Variants in FRMPD1 observed in about 807,000 individuals in gnomAD.
FRMPD1 encodes the protein FERM and PDZ domain containing 1, also known as FERM and PDZ domain-containing protein 1.
A neutral mutation model predicts 117.8 loss-of-function variants in FRMPD1; 76 were observed. The ratio of observed to expected loss-of-function variants is 0.65; its 90% CI spans 0.54 to 0.78. The LOEUF (loss-of-function observed/expected upper bound fraction) is 0.78, where lower values mean the gene tolerates loss of function less well. FRMPD1 is among the 30% of genes least tolerant of loss of function. The probability of loss-of-function intolerance (pLI) is 0.00; values close to 1 mark genes in which losing one functional copy is unlikely to be tolerated. For synonymous variants in FRMPD1, 783 were observed against 770.4 expected (o/e 1.02, Z -0.27); for missense variants, 1,786 against 1,964.5 (o/e 0.91, Z 1.72).
rs146595026 is a variant in FRMPD1, at chr9:37,672,106, A to T, written c.-4-20532A>T. 9.8e-3 allele frequency among the ~76,000 whole-genome samples: 1,487 copies of T among 152,282 alleles called. 24 individuals carry two copies. Among genetic ancestry groups the T allele is most frequent in the African/African-American group, 0.034 (1,405 of 41,548 alleles). ...TTTCTTTCTTTTTGGAGTGATGAAA[A>T]TGCTTCAAAATGGATTGTGGTGATG... On this transcript the variant is annotated intron_variant, in intron 1 of 15. Transcript: ENST00000377765.
At chr9:37,687,110 G>GCTC (rs1821975607) in intron 1 of FRMPD1, among the ~76,000 whole-genome samples, 1 of 152,104 alleles carries the variant, frequency 6.6e-6, no homozygotes, top group Non-Finnish European at 1.5e-5. Flanking sequence ...GTTTATGCAG[G>GCTC]CTCCCCTGGA....
chr9:37,687,351 AT>A (rs1443033241), intron 1 of FRMPD1, among the ~76,000 whole-genome samples: 2 of 152,138 alleles, frequency 1.3e-5, no homozygotes, highest in Non-Finnish European at 2.9e-5. Context: ...CCAAGTTTTT[AT>A]TTAATAAACA....
chr9:37,686,052 C>T (rs1013866487), intron 1 of FRMPD1, among the ~76,000 whole-genome samples: 5 of 152,178 alleles, frequency 3.3e-5, no homozygotes, highest in African/African-American at 1.2e-4. Context: ...TTTTTATATT[C>T]ACATTGTTCC....
chr9:37,690,622 C>T (rs533900706), intron 1 of FRMPD1, among the ~76,000 whole-genome samples: 4 of 152,250 alleles, frequency 2.6e-5, no homozygotes, highest in South Asian at 2.1e-4. Flanking sequence ...GCAGGGATCC[C>T]GAAAATGTCA....
the FRMPD1 span, among the ~76,000 whole-genome samples, chr9:37,621,371 TCTTG>T: frequency 6.6e-6 from 1 of 152,132 alleles, no homozygotes; most frequent in Non-Finnish European, 1.5e-5. Flanking sequence ...GTTACGTGAC[TCTTG>T]CACCGTCATC....
At chr9:37,632,306 T>G in the FRMPD1 span, among the ~76,000 whole-genome samples, 1 of 152,218 alleles carries the variant, frequency 6.6e-6, no homozygotes, top group African/African-American at 2.4e-5. Flanking sequence ...TGTTAACAAA[T>G]CACTGGGCCT....
chr9:37,742,848 G>A (rs1172067559), intron 15 of FRMPD1, among the ~76,000 whole-genome samples: 2 of 152,026 alleles, frequency 1.3e-5, no homozygotes, highest in East Asian at 1.9e-4. Context: ...GCAGTGAGCC[G>A]AGATTGCACC....
At chr9:37,654,391 T>C (rs950652359) in intron 1 of FRMPD1, among the ~76,000 whole-genome samples, 3 of 152,174 alleles carry the variant, frequency 2.0e-5, no homozygotes, top group Admixed American at 2.0e-4. Flanking sequence ...CAGCTCTGTA[T>C]CTGTAAGAGG....
In FRMPD1 at chr9:37,744,504, G is replaced by A. The variant is rs1375453436; in HGVS notation, c.2472G>A (p.Arg824=). ...GGCCAGATGGAAGACAGCCAAGCAG[G>A]AGGGGAGGGGTGAAGAAATATGCCA... ...PCGPDGRQPS[R]RGGVKKYAKT... Residue 824 remains arginine (R), a synonymous_variant, in exon 16 of 16, where the codon AGG becomes AGA. Transcript: ENST00000377765. 8 of 1,614,154 alleles carry A rather than the reference G, an allele frequency of 5.0e-6. No homozygotes were observed. The South Asian group carries it at 8.8e-5, about 18-fold the overall frequency.
intron 6 of FRMPD1, 102 bp from the exon 7 acceptor site, chr9:37,724,123 G>A (rs1457559140): frequency 1.1e-5 from 6 of 564,034 alleles, no homozygotes; most frequent in African/African-American, 5.6e-5. Flanking sequence ...TGAGTGAGCC[G>A]AGATCGTACC....
intron 5 of FRMPD1, among the ~76,000 whole-genome samples, chr9:37,717,382 T>TATATA (rs1491339188): frequency 0.018 from 1,574 of 86,498 alleles, 23 homozygotes; most frequent in Non-Finnish European, 0.029. Flanking sequence ...TATATATATA[T>TATATA]TTTTTTTTTT....
In FRMPD1 at chr9:37,692,718, G is replaced by A. The variant is rs146611803; in HGVS notation, c.77G>A (p.Arg26Gln). Residue 26 changes from arginine (R) to glutamine (Q), a missense_variant, in exon 2 of 16, where the codon CGG becomes CAG. Transcript: ENST00000377765. ...GAACAAATGGTGGCAAGATGGCTTCGGCGCTCCCGGGACAGCTCGGCCCGG... is the reference window on the plus strand; with the variant it reads ...GAACAAATGGTGGCAAGATGGCTTCAGCGCTCCCGGGACAGCTCGGCCCGG... ...RIEQMVARWLRRSRDSSARAK... is the reference protein window; with the variant it reads ...RIEQMVARWLQRSRDSSARAK... 4.8e-5 allele frequency: 78 copies of A among 1,613,566 alleles called. No homozygotes were observed. Among genetic ancestry groups the A allele is most frequent in the Non-Finnish European group, 6.1e-5 (72 of 1,179,660 alleles).
At chr9:37,610,769 GT>G in the FRMPD1 span, among the ~76,000 whole-genome samples, 1 of 151,300 alleles carries the variant, frequency 6.6e-6, no homozygotes, top group Non-Finnish European at 1.5e-5. Flanking sequence ...TAATTGTGTG[GT>G]TTTTTTTCTT....
rs575016693 is a variant in FRMPD1, at chr9:37,720,700, A to C, written c.516+1524A>C. Among the ~76,000 whole-genome samples, 157 of 151,892 alleles carry C rather than the reference A, an allele frequency of 1.0e-3. 1 individual carries two copies. Among genetic ancestry groups the C allele is most frequent in the African/African-American group, 3.3e-3 (136 of 41,382 alleles). ...AAAAGAGATCGAGACTATCCTGGCC[A>C]ACGTGGTGAAACCACATCTCTACTA... On this transcript the variant is annotated intron_variant, in intron 6 of 15. Coordinates refer to ENST00000377765, the MANE Select transcript of FRMPD1 (RefSeq NM_014907.3).
intron 1 of FRMPD1, among the ~76,000 whole-genome samples, chr9:37,670,529 C>T (rs563724235): frequency 5.3e-5 from 8 of 152,056 alleles, no homozygotes; most frequent in Non-Finnish European, 7.4e-5. Context: ...CAAAGCATGG[C>T]GGGAGGCTCA....
the FRMPD1 span, among the ~76,000 whole-genome samples, chr9:37,642,896 T>A: frequency 6.6e-6 from 1 of 152,222 alleles, no homozygotes; most frequent in African/African-American, 2.4e-5. Context: ...CATCTGTTTG[T>A]TCCCCATTTC....
chr9:37,734,052 T>C (rs2118414592), intron 12 of FRMPD1, among the ~76,000 whole-genome samples: 1 of 152,270 alleles, frequency 6.6e-6, no homozygotes, highest in East Asian at 1.9e-4. Context: ...GTGATTTCCG[T>C]CCTTGAAGGA....
the FRMPD1 span, among the ~76,000 whole-genome samples, chr9:37,609,028 C>T: frequency 2.6e-5 from 4 of 151,988 alleles, no homozygotes; most frequent in South Asian, 2.1e-4. Flanking sequence ...TGGTGGCTCA[C>T]GCCTGTAATC....
the FRMPD1 span, among the ~76,000 whole-genome samples, chr9:37,637,537 C>T: frequency 6.6e-6 from 1 of 152,280 alleles, no homozygotes; most frequent in South Asian, 2.1e-4. Context: ...GCTTCTTCCC[C>T]TAACCCCTAC....
Sources: gnomAD v4.1 joint callset for allele counts (sites outside exome capture counted in the v4.1 genomes callset) on GRCh38, gnomAD v4.1.1 for gene constraint, MANE v1.5 for transcripts, NCBI Gene and HGNC (gene_info 2026-07-23, HGNC 2026-07-21) for gene names.